DDX23: variants seen among roughly 807,000 people sequenced by gnomAD.
DDX23 encodes probable ATP-dependent RNA helicase DDX23.
A neutral mutation model predicts 102.7 loss-of-function variants in DDX23; 33 were observed. The observed-to-expected ratio is 0.32, with a 90% CI of 0.24 to 0.43. The LOEUF is 0.43. Among genes scored for constraint, DDX23 ranks in the 20% least tolerant of loss-of-function variants. The probability of loss-of-function intolerance (pLI) is 1.00; values close to 1 mark genes in which losing one functional copy is unlikely to be tolerated. For missense variants in DDX23, 549 were observed against 1,086.6 expected, an observed-to-expected ratio of 0.51 and a Z score of 6.96; for synonymous variants, 352 against 376.0, an observed-to-expected ratio of 0.94 and a Z score of 0.74.
intron 3 of DDX23, among the ~76,000 whole-genome samples, chr12:48,841,613 G>A (rs1175436027): frequency 2.6e-5 from 4 of 152,230 alleles, no homozygotes; most frequent in Admixed American, 6.5e-5. Flanking sequence ...GGCGTGCGCC[G>A]CCACGCCTGA....
rs1468450440 is a variant in DDX23, at chr12:48,830,213, C to T, written c.*256G>A. ...GCATGAGCTGATGGCCCAGTGCAAT[C>T]CCAAAGCAAAGAAGGGCAGAACTGG... On this transcript the variant is annotated 3_prime_UTR_variant, in exon 17 of 17. Transcript: ENST00000308025. The surrounding 1 kb of genome is among the most constrained non-coding windows in gnomAD (Gnocchi z 4.9). 1 of 616,758 alleles carries T rather than the reference C, an allele frequency of 1.6e-6. No individual in the cohort carries two copies. Among genetic ancestry groups the T allele is most frequent in the South Asian group, 1.5e-5 (1 of 66,040 alleles). The allele number at this position is 616,758 out of a possible 1,614,324, so 38.2% of individuals were successfully genotyped here. A position where few individuals can be genotyped will look rare whatever the true frequency, so the allele number is the denominator to read the frequency against.
chr12:48,843,587 C>T lies in DDX23; in HGVS notation c.320+353G>A, dbSNP rs553603107. Among the ~76,000 whole-genome samples, 31 of 137,190 alleles carry T rather than the reference C, an allele frequency of 2.3e-4. 1 individual carries two copies. The South Asian group carries it at 6.9e-3, about 30-fold the overall frequency. The allele number at this position is 137,190 out of a possible 152,430, so 90.0% of individuals were successfully genotyped here. On this transcript the variant is annotated intron_variant, in intron 3 of 16. Transcript: ENST00000308025. ...TTTTTGAGACAGAGTCTTGCTCTGT[C>T]GCCCAGGCTGGAGTGCAGTGGCGTG...
At chr12:48,833,673 G>T in intron 12 of DDX23, 154 bp from the exon 13 acceptor site, 1 of 901,842 alleles carries the variant, frequency 1.1e-6, no homozygotes, top group Non-Finnish European at 1.6e-6. Flanking sequence ...CCTGCAAACT[G>T]GCATGAAATC....
intron 15 of DDX23, 187 bp downstream of exon 15, chr12:48,831,889 CAG>C (rs1938393091): frequency 1.7e-6 from 1 of 605,932 alleles, no homozygotes; most frequent in Non-Finnish European, 2.9e-6. Flanking sequence ...CTGCAGCAGA[CAG>C]GGGGTCCCAG....
chr12:48,844,780 A>G (rs1051124588), intron 2 of DDX23, among the ~76,000 whole-genome samples: 7 of 151,390 alleles, frequency 4.6e-5, no homozygotes, highest in Non-Finnish European at 7.4e-5. Context: ...CCCCCTCTCA[A>G]CTTTTAAGAG....
intron 3 of DDX23, among the ~76,000 whole-genome samples, 156 bp downstream of exon 3, chr12:48,843,784 G>A (rs1483943297): frequency 6.6e-6 from 1 of 152,002 alleles, no homozygotes; most frequent in Non-Finnish European, 1.5e-5. Context: ...TCCTGACTTC[G>A]TGATCCACCA....
At chr12:48,838,835 G>A (rs552246388) in intron 5 of DDX23, among the ~76,000 whole-genome samples, 102 of 152,030 alleles carry the variant, frequency 6.7e-4, no homozygotes, top group African/African-American at 2.4e-3. Flanking sequence ...CCTGGGCAAC[G>A]GGGCGAGACT....
chr12:48,851,012 T>A (rs1455620273), intron 1 of DDX23, among the ~76,000 whole-genome samples: 1 of 152,232 alleles, frequency 6.6e-6, no homozygotes, highest in South Asian at 2.1e-4. Flanking sequence ...GCAGCCTTCC[T>A]CTCAAACCTC....
Position 48,836,035 on chromosome 12 carries a change from C to T in DDX23, c.1382+86G>A, listed in dbSNP as rs759606499. On this transcript the variant is annotated intron_variant, in intron 11 of 16. Transcript: ENST00000308025. The surrounding 1 kb of genome is among the most constrained non-coding windows in gnomAD (Gnocchi z 6.1). Reference sequence around the variant, plus strand: ...AAAGAAGAAAGCTTCTGATTATAGACGTAAAACAAAAATCAAACATTCATT... The same window carrying T: ...AAAGAAGAAAGCTTCTGATTATAGATGTAAAACAAAAATCAAACATTCATT... The T allele has an allele frequency of 2.1e-5, 31 of 1,450,996 alleles. No homozygotes were observed. The highest frequency in any genetic ancestry group is 7.0e-5 in the African/African-American group (5 of 71,520). The allele number at this position is 1,450,996 out of a possible 1,614,324, so 89.9% of individuals were successfully genotyped here. A position where few individuals can be genotyped will look rare whatever the true frequency, so the allele number is the denominator to read the frequency against.
At chr12:48,841,561 C>T (rs935828619) in intron 3 of DDX23, among the ~76,000 whole-genome samples, 1 of 152,240 alleles carries the variant, frequency 6.6e-6, no homozygotes, top group South Asian at 2.1e-4. Flanking sequence ...AACCTCCCTG[C>T]CTGATTCTCG....
chr12:48,833,603 A>G, intron 12 of DDX23, 84 bp from the exon 13 acceptor site: 2 of 1,523,590 alleles, frequency 1.3e-6, no homozygotes, highest in Non-Finnish European at 1.8e-6. Context: ...CTTGGGTGAC[A>G]GACCTCCAAT....
Position 48,836,049 on chromosome 12 carries a change from C to A in DDX23, c.1382+72G>T. On this transcript the variant is annotated intron_variant, in intron 11 of 16. Transcript: ENST00000308025. The surrounding 1 kb of genome is among the most constrained non-coding windows in gnomAD (Gnocchi z 6.1). ...CTGATTATAGACGTAAAACAAAAAT[C>A]AAACATTCATTTGCCACTTTCACCT... 6.5e-7 allele frequency: 1 copy of A among 1,535,388 alleles called. No individual in the cohort carries two copies. The highest frequency in any genetic ancestry group is 1.2e-5 in the South Asian group (1 of 86,740).
intron 1 of DDX23, among the ~76,000 whole-genome samples, chr12:48,851,134 T>G (rs1198654821): frequency 6.6e-6 from 1 of 152,170 alleles, no homozygotes; most frequent in Non-Finnish European, 1.5e-5. Context: ...AGGTGCTATG[T>G]GAGTTACAAA....
intron 5 of DDX23, among the ~76,000 whole-genome samples, chr12:48,839,064 G>A (rs1267554042): frequency 1.3e-5 from 2 of 151,888 alleles, no homozygotes; most frequent in Non-Finnish European, 1.5e-5. Context: ...TTATAGAGAT[G>A]GGTTTTCACC....
chr12:48,837,010 C>A lies in DDX23; in HGVS notation c.894G>T (p.Leu298Phe), dbSNP rs747710462. 5.6e-6 allele frequency: 9 copies of A among 1,614,056 alleles called. No homozygotes were observed. The highest frequency in any genetic ancestry group is 7.6e-6 in the Non-Finnish European group (9 of 1,180,030). ...TGCCTGCAATGAAGCCTCGCCCTAA[C>A]AACTGCACCTGGTGCCGTTCTTTGT... Reference protein sequence around the residue: ...PLYKERHQVQLLGRGFIAGID... With the variant: ...PLYKERHQVQFLGRGFIAGID... Residue 298 changes from leucine (L) to phenylalanine (F), a missense_variant, in exon 9 of 17, where the codon TTG (leucine) becomes TTT (phenylalanine). Leu to Phe is a conservative substitution (Grantham distance 22). This residue lies in a region of DDX23 where 270 missense variants were observed against 707.0 expected (regional missense o/e 0.38). Coordinates refer to ENST00000308025, the MANE Select transcript of DDX23 (RefSeq NM_004818.3).
chr12:48,842,172 G>C (rs1032764597), intron 3 of DDX23, among the ~76,000 whole-genome samples: 1 of 151,548 alleles, frequency 6.6e-6, no homozygotes, highest in African/African-American at 2.4e-5. Flanking sequence ...CGGGAGGGAG[G>C]TGGGGGGGGT....
chr12:48,841,723 G>T (rs1232289417), intron 3 of DDX23, among the ~76,000 whole-genome samples: 1 of 152,232 alleles, frequency 6.6e-6, no homozygotes, highest in Non-Finnish European at 1.5e-5. Flanking sequence ...TCGGCCTCCC[G>T]AGGTGCCGGG....
chr12:48,840,829 AGGT>A (rs895639823), intron 3 of DDX23, among the ~76,000 whole-genome samples: 1 of 151,716 alleles, frequency 6.6e-6, no homozygotes, highest in Admixed American at 6.6e-5. Context: ...CTAGGATTAC[AGGT>A]GTGAGCCACA....
chr12:48,847,687 C>A (rs1025832299), intron 1 of DDX23, among the ~76,000 whole-genome samples: 1 of 151,742 alleles, frequency 6.6e-6, no homozygotes, highest in Non-Finnish European at 1.5e-5. Flanking sequence ...AAATTAGCCA[C>A]GCATGGTGGT....
Sources: gnomAD v4.1 joint callset for allele counts (sites outside exome capture counted in the v4.1 genomes callset) on GRCh38, gnomAD v4.1.1 for gene constraint, gnomAD v4.1.1 regional missense constraint, Gnocchi (gnomAD v3.1) non-coding constraint, MANE v1.5 for transcripts, NCBI Gene and HGNC (gene_info 2026-07-23, HGNC 2026-07-21) for gene names.